Variants in SNX8 observed in about 807,000 individuals in gnomAD.
SNX8 encodes sorting nexin-8.
Under a neutral mutation model 51.6 loss-of-function variants are expected in SNX8, and 25 were observed. The observed-to-expected ratio is 0.48, with a 90% CI of 0.35 to 0.68. SNX8 has a LOEUF of 0.68. SNX8 is among the 30% of genes least tolerant of loss of function. The pLI, the probability that SNX8 is intolerant of heterozygous loss-of-function variation, is 0.00. For synonymous variants in SNX8, 324 were observed against 277.0 expected (o/e 1.17, Z -1.68); for missense variants, 695 against 624.0 (o/e 1.11, Z -1.21).
intron 7 of SNX8, among the ~76,000 whole-genome samples, chr7:2,262,282 C>G (rs1302764493): frequency 6.6e-6 from 1 of 152,194 alleles, no homozygotes; most frequent in Non-Finnish European, 1.5e-5. Context: ...TCAAGCAGTC[C>G]TCCTGCCTCA....
At chr7:2,256,841 G>C in intron 10 of SNX8, 33 bp downstream of exon 10, 3 of 1,592,344 alleles carry the variant, frequency 1.9e-6, no homozygotes, top group Non-Finnish European at 2.6e-6. Flanking sequence ...AAAGGCCGTG[G>C]CCGAGACGGC....
intron 5 of SNX8, among the ~76,000 whole-genome samples, chr7:2,269,123 T>C (rs1294863662): frequency 9.7e-5 from 14 of 144,016 alleles, no homozygotes; most frequent in Middle Eastern, 3.5e-3. Flanking sequence ...AGAAATCGGA[T>C]GGTTGCCGTG....
chr7:2,317,696 C>T (rs1285556016), upstream of SNX8, among the ~76,000 whole-genome samples: 3 of 152,090 alleles, frequency 2.0e-5, no homozygotes, highest in Admixed American at 2.0e-4. Context: ...GTTACTTCCT[C>T]TGGCTATAGC....
Position 2,257,434 on chromosome 7 carries a change from C to T in SNX8, c.1065G>A (p.Gln355=). 1 of 1,610,748 alleles carries T rather than the reference C, an allele frequency of 6.2e-7. No homozygotes were observed. Among genetic ancestry groups the T allele is most frequent in the African/African-American group, 1.3e-5 (1 of 74,996 alleles). ...GGTTCTGCGCGGTGGCGCTCATCATCTGCCTCTTCATCAGGCTGTACTTGT... is the reference window on the plus strand; with the variant it reads ...GGTTCTGCGCGGTGGCGCTCATCATTTGCCTCTTCATCAGGCTGTACTTGT... ...ALHKYSLMKR[Q]MMSATAQNRE... Residue 355 remains glutamine, a synonymous_variant, in exon 9 of 11, where the codon CAG becomes CAA. Transcript: ENST00000222990.
intron 1 of SNX8, among the ~76,000 whole-genome samples, chr7:2,295,119 T>A (rs1482877085): frequency 1.3e-5 from 2 of 151,916 alleles, no homozygotes; most frequent in Non-Finnish European, 2.9e-5. Context: ...ACAGAAAATG[T>A]AGGCCAAGCG....
At chr7:2,299,507 G>C (rs1040657344) in intron 1 of SNX8, 1 of 152,026 alleles carries the variant, frequency 6.6e-6, no homozygotes, top group South Asian at 2.1e-4. Flanking sequence ...CTCTCATTTC[G>C]GGAATGTTTA....
At chr7:2,273,329 A>C (rs1261274690) in intron 3 of SNX8, among the ~76,000 whole-genome samples, 1 of 151,992 alleles carries the variant, frequency 6.6e-6, no homozygotes, top group Non-Finnish European at 1.5e-5. Flanking sequence ...TCACACCTGT[A>C]ATCCCAGCAC....
At chr7:2,264,836 A>T (rs896202892) in intron 5 of SNX8, among the ~76,000 whole-genome samples, 1 of 151,760 alleles carries the variant, frequency 6.6e-6, no homozygotes, top group Non-Finnish European at 1.5e-5. Context: ...GGAGTTCAAG[A>T]CCAGCCTGAC....
At chr7:2,321,449 C>T (rs1310159698) in intron 1 of SNX8, among the ~76,000 whole-genome samples, 4 of 143,550 alleles carry the variant, frequency 2.8e-5, no homozygotes, top group Admixed American at 2.1e-4. Flanking sequence ...TTTTTTGAGA[C>T]GGAGTCTCCC....
At chr7:2,342,632 C>A (rs1242152227) in intron 1 of SNX8, among the ~76,000 whole-genome samples, 1 of 149,018 alleles carries the variant, frequency 6.7e-6, no homozygotes, top group African/African-American at 2.5e-5. Flanking sequence ...GCAGCCTAGG[C>A]GACAGAGCGA....
At chr7:2,264,707 C>T (rs1260331659) in intron 5 of SNX8, among the ~76,000 whole-genome samples, 2 of 152,194 alleles carry the variant, frequency 1.3e-5, no homozygotes, top group African/African-American at 2.4e-5. Flanking sequence ...ACAGAGTCCA[C>T]TGAAATCTCA....
intron 1 of SNX8, chr7:2,288,400 G>C (rs1193370255): frequency 1.2e-5 from 2 of 163,860 alleles, no homozygotes; most frequent in Non-Finnish European, 3.0e-5. Context: ...GAAAATCTTA[G>C]TGAATATTTT....
At chr7:2,344,478 G>C (rs1162214157) in intron 1 of SNX8, among the ~76,000 whole-genome samples, 1 of 151,856 alleles carries the variant, frequency 6.6e-6, no homozygotes, top group Non-Finnish European at 1.5e-5. Context: ...CGGGCGTGGT[G>C]GTGGGTGCCT....
chr7:2,256,393 C>A (rs1170294367), intron 10 of SNX8, among the ~76,000 whole-genome samples: 5 of 152,250 alleles, frequency 3.3e-5, no homozygotes, highest in Admixed American at 2.0e-4. Flanking sequence ...GTAATCCCAG[C>A]GGTGCTGCAG....
chr7:2,323,621 C>A (rs956956753), intron 1 of SNX8, among the ~76,000 whole-genome samples: 6 of 152,068 alleles, frequency 3.9e-5, no homozygotes, highest in African/African-American at 1.4e-4. Flanking sequence ...AATGATATGG[C>A]CCAGAAGTAA....
rs1386944968 is a variant in SNX8 at position 2,327,675 on chromosome 7, G to C, written c.-66+26547C>G. On this transcript the variant is annotated intron_variant, in intron 1 of 5. Transcript: ENST00000435336. ...GCCCGCCTCGGCCTCCCAAAGTGCTGGGATTACAGGCGTGAGCCATCGCAC... is the reference window on the plus strand; with the variant it reads ...GCCCGCCTCGGCCTCCCAAAGTGCTCGGATTACAGGCGTGAGCCATCGCAC... Among the ~76,000 whole-genome samples the C allele has an allele frequency of 3.4e-5, 5 of 148,778 alleles. No homozygotes were observed. In the Admixed American group the frequency reaches 3.4e-4, roughly 10 times the overall value.
At chr7:2,316,681 T>G (rs574425404), upstream of SNX8, among the ~76,000 whole-genome samples, 186 of 151,124 alleles carry the variant, frequency 1.2e-3, no homozygotes, top group African/African-American at 4.3e-3. Context: ...ACTCACTGAG[T>G]CACTGCATCA....
intron 1 of SNX8, among the ~76,000 whole-genome samples, chr7:2,280,999 G>T (rs977181552): frequency 6.6e-6 from 1 of 152,012 alleles, no homozygotes; most frequent in African/African-American, 2.4e-5. Context: ...TACCATGTTG[G>T]CCAGACTGGT....
At chr7:2,271,302 C>G (rs538858630) in intron 4 of SNX8, among the ~76,000 whole-genome samples, 3 of 152,334 alleles carry the variant, frequency 2.0e-5, no homozygotes, top group Admixed American at 2.0e-4. Flanking sequence ...TCGGCCTCTC[C>G]GAGCGCTGGG....
Sources: allele counts gnomAD v4.1 joint callset (sites outside exome capture counted in the v4.1 genomes callset), GRCh38; gene constraint gnomAD v4.1.1; transcripts MANE v1.5; gene names NCBI Gene and HGNC (gene_info 2026-07-23, HGNC 2026-07-21).